The following ZNF200 variants were observed in gnomAD, a reference collection of about 807,000 sequenced individuals.
ZNF200 encodes zinc finger protein 200.
In ZNF200, 35 loss-of-function variants were observed where a neutral mutation model predicts 33.6. The ratio of observed to expected loss-of-function variants is 1.04; its 90% CI spans 0.80 to 1.38. The LOEUF (loss-of-function observed/expected upper bound fraction) is 1.38. Ranked by LOEUF, ZNF200 falls within the 40% of genes most tolerant of loss-of-function variation. ZNF200 has a pLI of 0.00. For synonymous variants in ZNF200, 209 were observed against 167.7 expected (o/e 1.25, Z -1.90); for missense variants, 592 against 470.6 (o/e 1.26, Z -2.39).
At position 3,232,448 on chromosome 16, in the gene ZNF200, T is replaced by G. The variant is rs771164821; in HGVS notation, c.439A>C (p.Ser147Arg). Residue 147 changes from serine (S) to arginine (R), a missense_variant, in exon 4 of 5, where the codon AGC becomes CGC. Ser to Arg is a moderately radical substitution (Grantham distance 110). Coordinates refer to ENST00000414144, the MANE Select transcript of ZNF200 (RefSeq NM_198088.3). ...QQLTSEKEDD[S>R]SVGEMMLLAV... ...AGTAACATCATTTCCCCGACACTGCTGTCATCTTCCTTCTCTGACGTGAGT... is the reference window on the plus strand; with the variant it reads ...AGTAACATCATTTCCCCGACACTGCGGTCATCTTCCTTCTCTGACGTGAGT... 6.2e-7 allele frequency: 1 copy of G among 1,614,144 alleles called. No individual in the cohort carries two copies. The highest frequency in any genetic ancestry group is 8.5e-7 in the Non-Finnish European group (1 of 1,179,998).
Position 3,224,132 on chromosome 16 carries a change from G to T in ZNF200, c.948C>A (p.Asn316Lys). The change falls in exon 5 of 5, where the codon AAC becomes AAA. Residue 316 changes from asparagine (N) to lysine (K), a missense_variant. Transcript: ENST00000414144. The part of the protein sequence containing the change: ...KPYSCSQCGK[N>K]FRQNSHRSRH... ...GACTCCGATGAGAATTCTGACGGAA[G>T]TTTTTTCCACACTGAGAACAGGAAT... The T allele has an allele frequency of 6.2e-7, 1 of 1,614,104 alleles. No homozygotes were observed. The highest frequency in any genetic ancestry group is 8.5e-7 in the Non-Finnish European group (1 of 1,180,030).
At chr16:3,232,698 G>A in intron 3 of ZNF200, 135 bp downstream of exon 3, 1 of 1,405,480 alleles carries the variant, frequency 7.1e-7, no homozygotes, top group South Asian at 1.3e-5. Context: ...GGACAGCCAG[G>A]CTGAGAAGGG....
Position 3,229,573 on chromosome 16 carries a change from T to A in ZNF200, c.466+2848A>T, listed in dbSNP as rs183478966. Among the ~76,000 whole-genome samples the A allele has an allele frequency of 2.0e-5, 3 of 152,178 alleles. No individual in the cohort carries two copies. In the East Asian group the frequency reaches 5.8e-4, roughly 29 times the overall value. ...GAAAATTCTTCTAAACTTTTAAAAA[T>A]TAAATAATTCAAATGCTAGGAAAAT... On this transcript the variant is annotated intron_variant, in intron 4 of 4. Transcript: ENST00000414144.
At position 3,223,731 on chromosome 16, in the gene ZNF200, T is replaced by C. The variant is rs575688095; in HGVS notation, c.*161A>G. Reference sequence around the variant, plus strand: ...AATGTTTTCTTCCCTGTGAATTTTCTAGCAATTTGAGGTTTTAGCTAAGAT... The same window carrying C: ...AATGTTTTCTTCCCTGTGAATTTTCCAGCAATTTGAGGTTTTAGCTAAGAT... On this transcript the variant is annotated 3_prime_UTR_variant, in exon 5 of 5. Coordinates refer to ENST00000414144, the MANE Select transcript of ZNF200 (RefSeq NM_198088.3). The C allele has an allele frequency of 7.1e-5, 79 of 1,113,124 alleles. No homozygotes were observed. The highest frequency in any genetic ancestry group is 9.8e-5 in the Non-Finnish European group (78 of 796,626). The allele number at this position is 1,113,124 out of a possible 1,614,324, so 69.0% of individuals were successfully genotyped here.
At chr16:3,228,033 A>C (rs1002009139) in intron 4 of ZNF200, among the ~76,000 whole-genome samples, 1 of 119,274 alleles carries the variant, frequency 8.4e-6, no homozygotes, top group Non-Finnish European at 1.8e-5. Context: ...CTAGCCAAAA[A>C]CATAGTATTT....
chr16:3,226,050 T>C (rs1273826324), intron 4 of ZNF200: 1 of 127,998 alleles, frequency 7.8e-6, no homozygotes. Flanking sequence ...ATTTTTTCTT[T>C]CTTTTTTTTT....
At chr16:3,224,806 T>G in intron 4 of ZNF200, 193 bp from the exon 5 acceptor site, 1 of 626,018 alleles carries the variant, frequency 1.6e-6, no homozygotes, top group Non-Finnish European at 2.7e-6. Context: ...TCTACCACAA[T>G]GCAAGCACAC....
At position 3,223,755 on chromosome 16, in the gene ZNF200, A is replaced by G. The variant is rs192270233; in HGVS notation, c.*137T>C. 2 of 1,316,914 alleles carry G rather than the reference A, an allele frequency of 1.5e-6. No individual in the cohort carries two copies. Among genetic ancestry groups the G allele is most frequent in the Admixed American group, 5.0e-5 (2 of 40,392 alleles). 81.6% of individuals were successfully genotyped at this position (1,316,914 alleles called of 1,614,324 possible). A position where few individuals can be genotyped will look rare whatever the true frequency, so the allele number is the denominator to read the frequency against. On this transcript the variant is annotated 3_prime_UTR_variant, in exon 5 of 5. Coordinates refer to ENST00000414144, the MANE Select transcript of ZNF200 (RefSeq NM_198088.3). ...CTAGCAATTTGAGGTTTTAGCTAAGATGGGCATTTATCCAATTTTGGCAAT... is the reference window on the plus strand; with the variant it reads ...CTAGCAATTTGAGGTTTTAGCTAAGGTGGGCATTTATCCAATTTTGGCAAT...
intron 4 of ZNF200, 163 bp from the exon 5 acceptor site, chr16:3,224,776 A>C (rs1330971218): frequency 1.2e-6 from 1 of 803,286 alleles, no homozygotes; most frequent in African/African-American, 1.7e-5. Context: ...GGTGGGATAC[A>C]TAACTGATAA....
intron 2 of ZNF200, 30 bp from the exon 3 acceptor site, chr16:3,232,951 A>G: frequency 6.3e-7 from 1 of 1,596,628 alleles, no homozygotes; most frequent in South Asian, 1.1e-5. Flanking sequence ...TAGTTAGTGA[A>G]AAACTCAGTG....
At chr16:3,227,587 G>T (rs114477370) in intron 4 of ZNF200, 3 of 151,022 alleles carry the variant, frequency 2.0e-5, no homozygotes, top group Non-Finnish European at 2.9e-5. Context: ...AGTCATGGGC[G>T]GGGGGGCCTT....
In ZNF200 at chr16:3,232,424, G is replaced by A. The variant is rs1208332658; in HGVS notation, c.463C>T (p.Leu155=). ...DDSSVGEMML[L]AVNGSNPEGE... is the part of the protein sequence containing the mutation. ...CACAAAGGCTGTGATTTCTTACCCA[G>A]TAACATCATTTCCCCGACACTGCTG... The change falls in exon 4 of 5, where the codon CTG becomes TTG. Residue 155 remains leucine (L), a synonymous_variant. Coordinates refer to ENST00000414144, the MANE Select transcript of ZNF200 (RefSeq NM_198088.3). The A allele has an allele frequency of 6.2e-7, 1 of 1,613,544 alleles. No individual in the cohort carries two copies. The highest frequency in any genetic ancestry group is 2.2e-5 in the East Asian group (1 of 44,882).
At chr16:3,225,989 TC>T in intron 4 of ZNF200, 1 of 151,402 alleles carries the variant, frequency 6.6e-6, no homozygotes, top group South Asian at 2.1e-4. Context: ...CAAGCAATCT[TC>T]CCAAAGTGCT....
At chr16:3,227,929 C>G (rs1206887190) in intron 4 of ZNF200, 1 of 151,926 alleles carries the variant, frequency 6.6e-6, no homozygotes, top group Non-Finnish European at 1.5e-5. Flanking sequence ...CAGTCTTGTT[C>G]CAAGGGAAAA....
chr16:3,232,565 C>T lies in ZNF200; in HGVS notation c.340-18G>A. 1 of 1,611,820 alleles carries T rather than the reference C, an allele frequency of 6.2e-7. No homozygotes were observed. Among genetic ancestry groups the T allele is most frequent in the Admixed American group, 1.7e-5 (1 of 59,726 alleles). The stretch of plus-strand genomic sequence containing the variant: ...ACCAGCTCCTGAAAGAGCAAGAGGC[C>T]CCTTTCATCTTAGTAACTGAGGTTC... On this transcript the variant is annotated intron_variant, in intron 3 of 4. Transcript: ENST00000414144.
intron 4 of ZNF200, among the ~76,000 whole-genome samples, chr16:3,231,160 T>C (rs76449583): frequency 0.012 from 1,853 of 152,228 alleles, 37 homozygotes; most frequent in African/African-American, 0.04. Flanking sequence ...TTAGGGGCCC[T>C]GAAGTGCATA....
chr16:3,225,764 T>C (rs905920989), intron 4 of ZNF200: 3 of 152,108 alleles, frequency 2.0e-5, no homozygotes, highest in African/African-American at 7.2e-5. Flanking sequence ...GTGGATATAC[T>C]TGTGTGACAA....
In ZNF200 at chr16:3,233,785, G is replaced by C; in HGVS notation, c.-30C>G. 6.3e-7 allele frequency: 1 copy of C among 1,579,490 alleles called. No individual in the cohort carries two copies. Among genetic ancestry groups the C allele is most frequent in the South Asian group, 1.2e-5 (1 of 85,690 alleles). ...TGCAACCACACACCACACTCGTTTC[G>C]CGGGGCCTCCAGAGCCACCTCTTAC... On this transcript the variant is annotated 5_prime_UTR_variant, in exon 2 of 5. Transcript: ENST00000414144.
rs1282702867 is a variant in ZNF200 at position 3,223,060 on chromosome 16, A to G, written c.*832T>C. On this transcript the variant is annotated 3_prime_UTR_variant, in exon 5 of 5. Coordinates refer to ENST00000414144, the MANE Select transcript of ZNF200 (RefSeq NM_198088.3). ...GGTCTTGGGGTTTCCTTCGTAGCACATGAGATCTGGGCTCAACAGAGGGAC... is the reference window on the plus strand; with the variant it reads ...GGTCTTGGGGTTTCCTTCGTAGCACGTGAGATCTGGGCTCAACAGAGGGAC... The G allele has an allele frequency of 6.6e-6, 1 of 152,198 alleles. No homozygotes were observed. The highest frequency in any genetic ancestry group is 1.5e-5 in the Non-Finnish European group (1 of 68,042). The allele number at this position is 152,198 out of a possible 1,614,324, so 9.4% of individuals were successfully genotyped here.
Sources: gnomAD v4.1 joint callset for allele counts (sites outside exome capture counted in the v4.1 genomes callset) on GRCh38, gnomAD v4.1.1 for gene constraint, MANE v1.5 for transcripts, NCBI Gene and HGNC (gene_info 2026-07-23, HGNC 2026-07-21) for gene names.